The following FLI1 variants were observed in gnomAD, a reference collection of about 807,000 sequenced individuals.
The protein encoded by FLI1 is Fli-1 proto-oncogene, ETS transcription factor.
FLI1 carries 13 observed loss-of-function variants against 53.1 expected under a neutral mutation model. The observed-to-expected ratio is 0.24, with a 90% CI of 0.16 to 0.39. FLI1 has a LOEUF of 0.39. Among genes scored for constraint, FLI1 ranks in the 10% least tolerant of loss-of-function variants. The probability of loss-of-function intolerance (pLI) is 1.00; values close to 1 mark genes in which losing one functional copy is unlikely to be tolerated. For missense variants in FLI1, 424 were observed against 600.5 expected (o/e 0.71, Z 3.07); for synonymous variants, 244 against 236.7 (o/e 1.03, Z -0.28).
chr11:128,730,668 A>G (rs911631835), intron 1 of FLI1, among the ~76,000 whole-genome samples: 22 of 152,166 alleles, frequency 1.4e-4, no homozygotes, highest in African/African-American at 5.3e-4. Context: ...ATCTTGGGAG[A>G]GCTACACCAA....
At chr11:128,739,627 C>G (rs911130225) in intron 1 of FLI1, among the ~76,000 whole-genome samples, 2 of 152,128 alleles carry the variant, frequency 1.3e-5, no homozygotes, top group Non-Finnish European at 1.5e-5. Context: ...GCAGGGGGAG[C>G]CAGCATTTTA....
intron 3 of FLI1, among the ~76,000 whole-genome samples, chr11:128,770,843 G>C (rs558848877): frequency 6.6e-6 from 1 of 152,206 alleles, no homozygotes; most frequent in African/African-American, 2.4e-5. Flanking sequence ...TGCTTCTGGA[G>C]AGTAAAAGAG....
chr11:128,784,120 C>A (rs1942008234), intron 5 of FLI1, among the ~76,000 whole-genome samples: 1 of 152,240 alleles, frequency 6.6e-6, no homozygotes, highest in South Asian at 2.1e-4. Context: ...GCCAGTGAGG[C>A]TCTGAAGCAG....
chr11:128,789,854 T>G (rs908258141), intron 5 of FLI1, among the ~76,000 whole-genome samples: 1 of 151,994 alleles, frequency 6.6e-6, no homozygotes, highest in Non-Finnish European at 1.5e-5. Context: ...TTTTAGGGAG[T>G]AAATAACATC....
chr11:128,792,930 A>G (rs548917101), intron 5 of FLI1, among the ~76,000 whole-genome samples: 1 of 152,234 alleles, frequency 6.6e-6, no homozygotes, highest in Non-Finnish European at 1.5e-5. Flanking sequence ...CAGCCCTGGC[A>G]ACACAACTAG....
At chr11:128,689,739 G>T (rs1027449921), upstream of FLI1, among the ~76,000 whole-genome samples, 1 of 152,222 alleles carries the variant, frequency 6.6e-6, no homozygotes, top group Admixed American at 6.5e-5. Context: ...TGGACACCTG[G>T]CTGGTCTCCA....
At chr11:128,755,583 A>G (rs1485180142) in intron 1 of FLI1, among the ~76,000 whole-genome samples, 3 of 152,214 alleles carry the variant, frequency 2.0e-5, no homozygotes, top group Non-Finnish European at 4.4e-5. Flanking sequence ...AGCCCAGATA[A>G]CAGTTCAAAA....
intron 1 of FLI1, among the ~76,000 whole-genome samples, chr11:128,731,351 T>C: frequency 6.6e-6 from 1 of 152,194 alleles, no homozygotes; most frequent in East Asian, 1.9e-4. Context: ...ACAGGTTGCC[T>C]GGCTGCAGAT....
intron 2 of FLI1, among the ~76,000 whole-genome samples, chr11:128,767,916 A>G (rs1305475669): frequency 6.6e-6 from 1 of 152,190 alleles, no homozygotes; most frequent in African/African-American, 2.4e-5. Context: ...TACTGTAATT[A>G]TAGGATTGGG....
At chr11:128,757,205 C>T (rs2135808251) in intron 1 of FLI1, among the ~76,000 whole-genome samples, 1 of 152,048 alleles carries the variant, frequency 6.6e-6, no homozygotes, top group Admixed American at 6.6e-5. Context: ...CCTCAGGCTC[C>T]CAAAATGCTG....
upstream of FLI1, among the ~76,000 whole-genome samples, chr11:128,685,373 G>A (rs1363443619): frequency 6.6e-6 from 1 of 152,212 alleles, no homozygotes; most frequent in Admixed American, 6.5e-5. Context: ...GGTGCCTAAG[G>A]TGAGTGCCCA....
rs767669371 is a variant in FLI1, at chr11:128,758,258, G to A, written c.162G>A (p.Gln54=). Residue 54 remains glutamine, a synonymous_variant, in exon 2 of 9, where the codon CAG becomes CAA. Transcript: ENST00000527786. ...ACAAGATCAACCCCCTCCCACCACA[G>A]CAGGAGTGGATCAATCAGCCAGTGA... is the stretch of plus-strand genomic sequence containing the variant. The part of the protein sequence containing the change: ...QPHKINPLPP[Q]QEWINQPVRV... The A allele has an allele frequency of 3.7e-6, 6 of 1,613,738 alleles. No homozygotes were observed. The South Asian group carries it at 6.6e-5, about 18-fold the overall frequency.
chr11:128,749,395 G>C (rs1406220239), intron 1 of FLI1, among the ~76,000 whole-genome samples: 2 of 152,178 alleles, frequency 1.3e-5, no homozygotes, highest in Admixed American at 1.3e-4. Flanking sequence ...GCTGTGGTTG[G>C]CTGTGGCCTC....
At chr11:128,736,554 G>A (rs1939925853) in intron 1 of FLI1, among the ~76,000 whole-genome samples, 1 of 152,158 alleles carries the variant, frequency 6.6e-6, no homozygotes, top group African/African-American at 2.4e-5. Context: ...GACACACCCA[G>A]AAACATGCCA....
intron 4 of FLI1, among the ~76,000 whole-genome samples, chr11:128,777,194 G>A (rs1040173503): frequency 6.6e-6 from 1 of 152,184 alleles, no homozygotes; most frequent in Non-Finnish European, 1.5e-5. Flanking sequence ...CGCCGGGCTG[G>A]CAGTTCAGGC....
chr11:128,796,376 G>GTT, intron 5 of FLI1, among the ~76,000 whole-genome samples: 1 of 152,182 alleles, frequency 6.6e-6, no homozygotes, highest in Non-Finnish European at 1.5e-5. Flanking sequence ...AGGTTAGAGA[G>GTT]AGGCAGTTTT....
At chr11:128,706,839 T>C (rs1464417218) in intron 1 of FLI1, among the ~76,000 whole-genome samples, 1 of 152,220 alleles carries the variant, frequency 6.6e-6, no homozygotes, top group Non-Finnish European at 1.5e-5. Flanking sequence ...TTTTTCTCTT[T>C]AAAAGGATTG....
intron 1 of FLI1, among the ~76,000 whole-genome samples, chr11:128,756,682 A>G (rs1940872932): frequency 6.6e-6 from 1 of 152,242 alleles, no homozygotes; most frequent in East Asian, 1.9e-4. Flanking sequence ...AGATTATATA[A>G]TTATTGATTA....
At chr11:128,809,303 G>T in intron 8 of FLI1, 99 bp downstream of exon 8, 2 of 979,198 alleles carry the variant, frequency 2.0e-6, no homozygotes, top group South Asian at 1.3e-5. Context: ...CCTGAGTGGG[G>T]AGTAACATGC....
Sources: gnomAD v4.1 joint callset for allele counts (sites outside exome capture counted in the v4.1 genomes callset) on GRCh38, gnomAD v4.1.1 for gene constraint, MANE v1.5 for transcripts, NCBI Gene and HGNC (gene_info 2026-07-23, HGNC 2026-07-21) for gene names.